GUCY1A2: variants seen among roughly 807,000 people sequenced by gnomAD.
GUCY1A2 encodes guanylate cyclase 1 soluble subunit alpha 2.
In GUCY1A2, 27 loss-of-function variants were observed where a neutral mutation model predicts 63.5. That is an observed-to-expected ratio of 0.43 (90% CI 0.31 to 0.59). The LOEUF (loss-of-function observed/expected upper bound fraction) is 0.59, where lower values mean the gene tolerates loss of function less well. Among genes scored for constraint, GUCY1A2 ranks in the 20% least tolerant of loss-of-function variants. GUCY1A2 has a pLI of 0.11. For synonymous variants in GUCY1A2, 364 were observed against 343.5 expected (o/e 1.06, Z -0.66); for missense variants, 768 against 913.3 (o/e 0.84, Z 2.05).
At chr11:106,884,349 G>A (rs975225007) in intron 4 of GUCY1A2, among the ~76,000 whole-genome samples, 1 of 152,094 alleles carries the variant, frequency 6.6e-6, no homozygotes, top group Non-Finnish European at 1.5e-5. Flanking sequence ...TGTAGACAAC[G>A]TTTGTATGTT....
At chr11:106,857,002 C>T (rs1859445580) in intron 4 of GUCY1A2, among the ~76,000 whole-genome samples, 1 of 152,198 alleles carries the variant, frequency 6.6e-6, no homozygotes, top group Admixed American at 6.5e-5. Flanking sequence ...GGACTATATC[C>T]TACCTACAGA....
At chr11:106,794,120 AAAATGTGATACACAC>A (rs1864711709) in intron 5 of GUCY1A2, among the ~76,000 whole-genome samples, 2 of 152,182 alleles carry the variant, frequency 1.3e-5, no homozygotes, top group Admixed American at 1.3e-4. Flanking sequence ...ATAAATGAAG[AAAATGTGATACACAC>A]ACACACAGAT....
chr11:106,755,206 C>A (rs1863952136), intron 6 of GUCY1A2, among the ~76,000 whole-genome samples: 1 of 151,996 alleles, frequency 6.6e-6, no homozygotes, highest in African/African-American at 2.4e-5. Flanking sequence ...TCCCCTGTAT[C>A]ATTTTTTATT....
At position 106,961,840 on chromosome 11, in the gene GUCY1A2, T is replaced by C. The variant is rs185767488; in HGVS notation, c.487+16779A>G. Among the ~76,000 whole-genome samples the C allele has an allele frequency of 5.1e-4, 77 of 152,322 alleles. 1 individual carries two copies. In the East Asian group the frequency reaches 0.012, roughly 23 times the overall value. On this transcript the variant is annotated intron_variant, in intron 3 of 7. Coordinates refer to ENST00000526355, the MANE Select transcript of GUCY1A2 (RefSeq NM_000855.3). ...TGGTGCCCTAGAAGTCAAATAGATA[T>C]TTGAGAAATTTTTCAGCCTTGTGAC... is the stretch of plus-strand genomic sequence containing the variant.
At chr11:106,957,379 C>A (rs1861000156) in intron 3 of GUCY1A2, among the ~76,000 whole-genome samples, 1 of 152,148 alleles carries the variant, frequency 6.6e-6, no homozygotes, top group African/African-American at 2.4e-5. Flanking sequence ...AGCTGAGAGG[C>A]TGTAAGAATC....
Position 106,796,571 on chromosome 11 carries a change from AT to A in GUCY1A2, c.1692+13421del, listed in dbSNP as rs1174720646. 2.6e-5 allele frequency among the ~76,000 whole-genome samples: 4 copies of A among 152,078 alleles called. No individual in the cohort carries two copies. In the East Asian group the frequency reaches 5.8e-4, roughly 22 times the overall value. ...CTGGATATGAAATTCTGGGTTGAAA[AT>A]TCTTTTCTTTAAGAATGTTGAATAT... is the stretch of plus-strand genomic sequence containing the variant. On this transcript the variant is annotated intron_variant, in intron 5 of 7. Coordinates refer to ENST00000526355, the MANE Select transcript of GUCY1A2 (RefSeq NM_000855.3).
intron 6 of GUCY1A2, among the ~76,000 whole-genome samples, chr11:106,739,255 G>A (rs1489544404): frequency 6.6e-6 from 1 of 152,152 alleles, no homozygotes; most frequent in African/African-American, 2.4e-5. Context: ...ATCTTGAGAT[G>A]TTGCTGAAGT....
At chr11:106,996,805 T>A (rs1263750187) in intron 1 of GUCY1A2, among the ~76,000 whole-genome samples, 1 of 152,160 alleles carries the variant, frequency 6.6e-6, no homozygotes, top group South Asian at 2.1e-4. Context: ...CCTAGCTCCA[T>A]TGCTTCCACT....
chr11:106,894,284 G>C (rs1037396959), intron 4 of GUCY1A2, among the ~76,000 whole-genome samples: 6 of 152,134 alleles, frequency 3.9e-5, no homozygotes, highest in African/African-American at 1.2e-4. Flanking sequence ...CCGAACAACA[G>C]AGTGTCAAAA....
intron 6 of GUCY1A2, among the ~76,000 whole-genome samples, chr11:106,770,631 A>C (rs1035864546): frequency 2.8e-4 from 42 of 151,918 alleles, no homozygotes; most frequent in African/African-American, 9.7e-4. Flanking sequence ...ATCTCAAAAA[A>C]TCCTGTAAGC....
chr11:106,706,574 T>TA (rs1862916423), intron 7 of GUCY1A2, among the ~76,000 whole-genome samples: 1 of 151,370 alleles, frequency 6.6e-6, no homozygotes, highest in Admixed American at 6.6e-5. Flanking sequence ...CATCACTATG[T>TA]AAACAAAGCC....
Position 107,017,895 on chromosome 11 carries a change from G to A in GUCY1A2, c.161C>T (p.Ala54Val). The A allele has an allele frequency of 8.0e-7, 1 of 1,248,822 alleles. No homozygotes were observed. Among genetic ancestry groups the A allele is most frequent in the South Asian group, 3.6e-5 (1 of 27,484 alleles). 77.4% of individuals were successfully genotyped at this position (1,248,822 alleles called of 1,614,324 possible). The part of the protein sequence containing the change: ...GPLEPSPAAA[A>V]AAAAPAPTPA... ...GGTCGGGGCCGGGGCGGCGGCAGCG[G>A]CAGCTGCGGCCGGGCTGGGCTCCAG... The change falls in exon 1 of 8, where the codon GCC (alanine) becomes GTC (valine). Residue 54 changes from alanine (A) to valine (V), a missense_variant. This residue lies in a region of GUCY1A2 where 496 missense variants were observed against 486.9 expected (regional missense o/e 1.02). Coordinates refer to ENST00000526355, the MANE Select transcript of GUCY1A2 (RefSeq NM_000855.3).
chr11:106,692,351 G>T (rs1288704301), intron 7 of GUCY1A2, among the ~76,000 whole-genome samples: 1 of 152,198 alleles, frequency 6.6e-6, no homozygotes, highest in African/African-American at 2.4e-5. Flanking sequence ...CTGCTCAACA[G>T]TTTTTTCTAC....
intron 6 of GUCY1A2, among the ~76,000 whole-genome samples, chr11:106,729,844 T>C (rs1863469365): frequency 6.6e-6 from 1 of 151,786 alleles, no homozygotes; most frequent in South Asian, 2.1e-4. Context: ...CATTGTATTT[T>C]AATTATTTTT....
At chr11:106,713,909 G>A (rs1863169976) in intron 6 of GUCY1A2, among the ~76,000 whole-genome samples, 1 of 151,856 alleles carries the variant, frequency 6.6e-6, no homozygotes, top group African/African-American at 2.4e-5. Context: ...AACTTTAGAT[G>A]CTAAGACTGT....
chr11:106,715,408 C>G (rs1863197161), intron 6 of GUCY1A2, among the ~76,000 whole-genome samples: 1 of 152,124 alleles, frequency 6.6e-6, no homozygotes, highest in Non-Finnish European at 1.5e-5. Context: ...AGGCTCAGCT[C>G]TAGATCTTAG....
chr11:107,011,806 G>T (rs1861750437), intron 1 of GUCY1A2, among the ~76,000 whole-genome samples: 1 of 150,074 alleles, frequency 6.7e-6, no homozygotes, highest in African/African-American at 2.4e-5. Context: ...AAAGACAAAA[G>T]AAAGCCTAGC....
intron 4 of GUCY1A2, among the ~76,000 whole-genome samples, chr11:106,851,271 G>C (rs1859351331): frequency 6.6e-6 from 1 of 151,742 alleles, no homozygotes; most frequent in Non-Finnish European, 1.5e-5. Flanking sequence ...TGGATAAATA[G>C]TTTGCAAATA....
chr11:106,746,805 A>G (rs1863796113), intron 6 of GUCY1A2, among the ~76,000 whole-genome samples: 6 of 152,018 alleles, frequency 3.9e-5, no homozygotes, highest in Admixed American at 3.9e-4. Flanking sequence ...ATTATCTGGC[A>G]TAGGAAGCTC....
Sources: allele counts gnomAD v4.1 joint callset (sites outside exome capture counted in the v4.1 genomes callset), GRCh38; gene constraint gnomAD v4.1.1; regional missense constraint gnomAD v4.1.1; transcripts MANE v1.5; gene names NCBI Gene and HGNC (gene_info 2026-07-23, HGNC 2026-07-21).